CARF: variants seen among roughly 807,000 people sequenced by gnomAD.
CARF encodes the protein calcium-responsive transcription factor.
CARF carries 57 observed loss-of-function variants against 82.0 expected under a neutral mutation model. The ratio of observed to expected loss-of-function variants is 0.70; its 90% confidence interval spans 0.56 to 0.87. The LOEUF is 0.87. Ranked by LOEUF, CARF falls within the 40% of genes least tolerant of loss-of-function variation. The pLI, the probability that CARF is intolerant of heterozygous loss-of-function variation, is 0.00. For missense variants in CARF, 771 were observed against 855.8 expected (o/e 0.90, Z 1.24); for synonymous variants, 268 against 290.1 (o/e 0.92, Z 0.77).
chr2:202,949,131 C>T (rs1217464805), intron 5 of CARF, among the ~76,000 whole-genome samples: 8 of 152,080 alleles, frequency 5.3e-5, no homozygotes, highest in South Asian at 4.2e-4. Flanking sequence ...GTCAGGAGTC[C>T]GAGACTAGAC....
intron 3 of CARF, among the ~76,000 whole-genome samples, chr2:202,935,888 C>G (rs1693858316): frequency 6.6e-6 from 1 of 152,160 alleles, no homozygotes; most frequent in African/African-American, 2.4e-5. Flanking sequence ...ACAGTCACAG[C>G]TTACTGCAGC....
intron 7 of CARF, among the ~76,000 whole-genome samples, chr2:202,954,980 C>A (rs1288516461): frequency 1.3e-5 from 2 of 151,490 alleles, no homozygotes; most frequent in Non-Finnish European, 2.9e-5. Flanking sequence ...TGCCACTGTA[C>A]TCCAGCCTGG....
chr2:202,977,000 G>A (rs2060057776), intron 13 of CARF, among the ~76,000 whole-genome samples: 1 of 152,114 alleles, frequency 6.6e-6, no homozygotes, highest in Non-Finnish European at 1.5e-5. Flanking sequence ...ACTGTACCCA[G>A]CCCAATAACT....
At position 202,986,885 on chromosome 2, in the gene CARF, T is replaced by TATACATATATATATATATATATATATAC. The variant is rs1553584556; in HGVS notation, c.*3264_*3265insCATATATATATATATATATATATACATA. On this transcript the variant is annotated 3_prime_UTR_variant, in exon 17 of 17. Transcript: ENST00000438828. ...GTCTGTGCGTATATATATATATATA[T>TATACATATATATATATATATATATATAC]ATATATATATATATATATATATAGC... 3 of 94,360 alleles carry TATACATATATATATATATATATATATAC rather than the reference T, an allele frequency of 3.2e-5. No individual in the cohort carries two copies. The highest frequency in any genetic ancestry group is 1.1e-4 in the Admixed American group (1 of 9,012). 5.8% of individuals were successfully genotyped at this position (94,360 alleles called of 1,614,324 possible).
At chr2:202,925,911 C>G (rs755416721) in intron 3 of CARF, 1 of 164,678 alleles carries the variant, frequency 6.1e-6, no homozygotes, top group Non-Finnish European at 1.3e-5. Context: ...AGGGGCTGAG[C>G]TCGGCCTGCG....
At chr2:202,939,440 A>T (rs141459716) in intron 3 of CARF, among the ~76,000 whole-genome samples, 5 of 152,220 alleles carry the variant, frequency 3.3e-5, no homozygotes, top group Admixed American at 6.5e-5. Flanking sequence ...GTTTATCGGG[A>T]TAGTAACTCC....
rs1208075500 is a variant in CARF, at chr2:202,960,728, A to ACCTTCCCGCCTTCCCG, written c.643-502_643-487dup. 3.8e-4 allele frequency among the ~76,000 whole-genome samples: 51 copies of ACCTTCCCGCCTTCCCG among 134,402 alleles called. 2 individuals are homozygous for ACCTTCCCGCCTTCCCG. Among genetic ancestry groups the ACCTTCCCGCCTTCCCG allele is most frequent in the South Asian group, 1.6e-3 (7 of 4,386 alleles). 88.2% of individuals were successfully genotyped at this position (134,402 alleles called of 152,430 possible). A position where few individuals can be genotyped will look rare whatever the true frequency, so the allele number is the denominator to read the frequency against. ...CACCTTCCCGCCTTCCCGCCTTCCCACCTTCCCGCCTTCCCGCCTTCCTGC... is the reference window on the plus strand; with the variant it reads ...CACCTTCCCGCCTTCCCGCCTTCCCACCTTCCCGCCTTCCCGCCTTCCCGCCTTCCCGCCTTCCTGC... On this transcript the variant is annotated intron_variant, in intron 8 of 16. Transcript: ENST00000438828.
At chr2:202,921,582 T>G (rs1690800736) in intron 2 of CARF, among the ~76,000 whole-genome samples, 1 of 152,176 alleles carries the variant, frequency 6.6e-6, no homozygotes. Context: ...CATAGAGACT[T>G]TAAGTGTCTT....
intron 14 of CARF, among the ~76,000 whole-genome samples, chr2:202,979,907 T>TA (rs1307608247): frequency 2.0e-5 from 3 of 152,216 alleles, no homozygotes; most frequent in African/African-American, 7.2e-5. Flanking sequence ...CTGGCCATTT[T>TA]AAAATCAGTC....
intron 2 of CARF, among the ~76,000 whole-genome samples, chr2:202,919,790 T>G (rs959020820): frequency 1.3e-5 from 2 of 152,214 alleles, no homozygotes; most frequent in Non-Finnish European, 2.9e-5. Context: ...GGCTTTGAAA[T>G]AAACACATGT....
chr2:202,983,703 G>GCCAC lies in CARF; in HGVS notation c.*79_*80insCCAC. 1.1e-6 allele frequency: 1 copy of GCCAC among 878,552 alleles called. No individual in the cohort carries two copies. Among genetic ancestry groups the GCCAC allele is most frequent in the Non-Finnish European group, 1.8e-6 (1 of 542,196 alleles). 54.4% of individuals were successfully genotyped at this position (878,552 alleles called of 1,614,324 possible). A position where few individuals can be genotyped will look rare whatever the true frequency, so the allele number is the denominator to read the frequency against. Reference sequence around the variant, plus strand: ...AGGAAGGTGAATATAGTCAAAGCGTGGCATTGAGATAATTGGACTGAAGAC... The same window carrying GCCAC: ...AGGAAGGTGAATATAGTCAAAGCGTGCCACGCATTGAGATAATTGGACTGAAGAC... On this transcript the variant is annotated 3_prime_UTR_variant, in exon 17 of 17. Transcript: ENST00000438828.
intron 2 of CARF, among the ~76,000 whole-genome samples, chr2:202,922,311 C>T (rs1690982465): frequency 6.6e-6 from 1 of 152,016 alleles, no homozygotes. Flanking sequence ...AGATGGGGGT[C>T]TCACTATGTC....
intron 11 of CARF, 152 bp downstream of exon 11, chr2:202,970,214 A>T: frequency 1.4e-6 from 1 of 714,112 alleles, no homozygotes; most frequent in Admixed American, 3.7e-5. Context: ...TATTAAATTG[A>T]TTTGCCACTG....
intron 3 of CARF, chr2:202,925,027 A>T (rs1319435245): frequency 2.5e-6 from 1 of 405,264 alleles, no homozygotes; most frequent in Non-Finnish European, 4.8e-6. Context: ...GCAGCAGCAA[A>T]AAGTAGCTTG....
intron 16 of CARF, among the ~76,000 whole-genome samples, chr2:202,982,927 C>T (rs1449287879): frequency 6.6e-6 from 1 of 152,128 alleles, no homozygotes; most frequent in Non-Finnish European, 1.5e-5. Context: ...ATTCTGTCAC[C>T]CAGGCTGGAG....
chr2:202,952,980 A>G (rs987098507), intron 6 of CARF, among the ~76,000 whole-genome samples: 1 of 152,152 alleles, frequency 6.6e-6, no homozygotes, highest in African/African-American at 2.4e-5. Context: ...CAGCAACAAT[A>G]GCAAGAATAT....
intron 5 of CARF, among the ~76,000 whole-genome samples, chr2:202,952,295 A>G (rs886253223): frequency 1.3e-5 from 2 of 152,146 alleles, no homozygotes; most frequent in African/African-American, 4.8e-5. Context: ...GACTTCATCC[A>G]TGTGTAATGA....
intron 10 of CARF, among the ~76,000 whole-genome samples, chr2:202,969,581 AT>A (rs1232837435): frequency 0.027 from 19 of 698 alleles, no homozygotes; most frequent in African/African-American, 0.054. Context: ...ATCTCAAAAA[AT>A]AAATAAATAA....
intron 3 of CARF, among the ~76,000 whole-genome samples, chr2:202,938,970 C>T (rs2058085839): frequency 6.6e-6 from 1 of 152,130 alleles, no homozygotes; most frequent in African/African-American, 2.4e-5. Flanking sequence ...AATTTCAATA[C>T]TCTGTAGGGA....
Sources: gnomAD v4.1 joint callset for allele counts (sites outside exome capture counted in the v4.1 genomes callset) on GRCh38, gnomAD v4.1.1 for gene constraint, MANE v1.5 for transcripts, NCBI Gene and HGNC (gene_info 2026-07-23, HGNC 2026-07-21) for gene names.